Variants in APH1B observed in about 807,000 individuals in gnomAD.
APH1B encodes the protein aph-1B gamma-secretase subunit, also known as gamma-secretase subunit APH-1B.
Under a neutral mutation model 28.2 loss-of-function variants are expected in APH1B, and 27 were observed. The observed-to-expected ratio is 0.96, with a 90% CI of 0.70 to 1.32. The LOEUF is 1.32. Among genes scored for constraint, APH1B ranks in the 40% most tolerant of loss-of-function variants. The pLI is 0.00. For missense variants in APH1B, 305 were observed against 313.6 expected (o/e 0.97, Z 0.21); for synonymous variants, 141 against 124.6 (o/e 1.13, Z -0.88).
intron 4 of APH1B, among the ~76,000 whole-genome samples, chr15:63,296,840 A>T (rs1567031260): frequency 2.0e-5 from 3 of 151,452 alleles, no homozygotes; most frequent in African/African-American, 7.3e-5. Flanking sequence ...TGTATTTTTT[A>T]GGAGAGATGG....
intron 1 of APH1B, chr15:63,277,992 G>C: frequency 1.9e-6 from 1 of 528,362 alleles, no homozygotes; most frequent in East Asian, 3.3e-5. Context: ...TACTAAAGTT[G>C]TATAAAAAAA....
At chr15:63,286,043 G>A (rs751341750) in intron 2 of APH1B, among the ~76,000 whole-genome samples, 1 of 152,294 alleles carries the variant, frequency 6.6e-6, no homozygotes, top group Admixed American at 6.5e-5. Context: ...TTAACAAATC[G>A]CTGCCTGAAG....
At chr15:63,280,837 G>A (rs932458028) in intron 2 of APH1B, among the ~76,000 whole-genome samples, 1 of 152,168 alleles carries the variant, frequency 6.6e-6, no homozygotes, top group Non-Finnish European at 1.5e-5. Context: ...TTTAACTGTA[G>A]AATATCATTA....
intron 1 of APH1B, chr15:63,278,192 C>T (rs951844029): frequency 2.4e-6 from 1 of 419,608 alleles, no homozygotes; most frequent in African/African-American, 2.1e-5. Context: ...TGCCCACCCC[C>T]ACCCCGATCC....
At chr15:63,298,531 A>G (rs2038591534) in intron 4 of APH1B, among the ~76,000 whole-genome samples, 1 of 152,198 alleles carries the variant, frequency 6.6e-6, no homozygotes, top group Non-Finnish European at 1.5e-5. Flanking sequence ...TTTAAGACAT[A>G]GTCAAGTACC....
intron 4 of APH1B, among the ~76,000 whole-genome samples, chr15:63,288,828 G>C (rs1004119857): frequency 6.6e-6 from 1 of 152,188 alleles, no homozygotes; most frequent in South Asian, 2.1e-4. Context: ...AGTAAAGTCT[G>C]TTAGAACCCG....
chr15:63,286,919 TTTC>T (rs2152594923), intron 3 of APH1B, among the ~76,000 whole-genome samples: 1 of 152,358 alleles, frequency 6.6e-6, no homozygotes, highest in East Asian at 1.9e-4. Flanking sequence ...AAACTGTTAC[TTTC>T]TCTGAATCTT....
At chr15:63,290,884 T>C (rs1333158919) in intron 4 of APH1B, among the ~76,000 whole-genome samples, 1 of 152,142 alleles carries the variant, frequency 6.6e-6, no homozygotes, top group East Asian at 1.9e-4. Context: ...GGAAGTGCCA[T>C]AACGAGTAGA....
intron 5 of APH1B, among the ~76,000 whole-genome samples, chr15:63,303,874 A>ACAAC (rs374335586): frequency 1.2e-4 from 17 of 145,594 alleles, no homozygotes; most frequent in East Asian, 2.0e-4. Context: ...ACACACACAC[A>ACAAC]ACACACACAC....
At position 63,305,727 on chromosome 15, in the gene APH1B, C is replaced by T. The variant is rs751335715; in HGVS notation, c.720C>T (p.Leu240=). The change falls in exon 6 of 6, where the codon CTC becomes CTT. Residue 240 remains leucine, a synonymous_variant. Transcript: ENST00000261879. The part of the protein sequence containing the change: ...AAGGSCRSLK[L]CLLCQDKNFL... ...GAGGCAGCTGCCGAAGCCTGAAACT[C>T]TGCCTGCTCTGCCAAGACAAGAACT... is the stretch of plus-strand genomic sequence containing the variant. The T allele has an allele frequency of 1.2e-6, 2 of 1,614,218 alleles. No individual in the cohort carries two copies. Among genetic ancestry groups the T allele is most frequent in the African/African-American group, 1.3e-5 (1 of 75,048 alleles).
chr15:63,285,732 A>G (rs1477287207), intron 2 of APH1B, among the ~76,000 whole-genome samples: 2 of 152,192 alleles, frequency 1.3e-5, no homozygotes, highest in South Asian at 4.1e-4. Flanking sequence ...TTGGCCTCCC[A>G]AAGTGCTGAG....
At chr15:63,294,138 G>A (rs2038538556) in intron 4 of APH1B, among the ~76,000 whole-genome samples, 1 of 151,892 alleles carries the variant, frequency 6.6e-6, no homozygotes, top group African/African-American at 2.4e-5. Flanking sequence ...CAGTGAGCAG[G>A]ATACCATATT....
chr15:63,286,040 A>G (rs1454835488), intron 2 of APH1B, among the ~76,000 whole-genome samples: 1 of 152,216 alleles, frequency 6.6e-6, no homozygotes, highest in African/African-American at 2.4e-5. Context: ...TCTTTAACAA[A>G]TCGCTGCCTG....
chr15:63,292,764 T>C (rs1414566873), intron 4 of APH1B, among the ~76,000 whole-genome samples: 2 of 152,340 alleles, frequency 1.3e-5, no homozygotes, highest in East Asian at 3.8e-4. Flanking sequence ...AATTGTACTT[T>C]TTGGAATGCA....
rs11359006 is a variant in APH1B at position 63,278,242 on chromosome 15, GAAA to G, written c.113+519_113+521del. 667 of 427,474 alleles carry G rather than the reference GAAA, an allele frequency of 1.6e-3. 2 individuals carry two copies. Among genetic ancestry groups the G allele is most frequent in the African/African-American group, 8.0e-3 (376 of 46,938 alleles). 26.5% of individuals were successfully genotyped at this position (427,474 alleles called of 1,614,324 possible). A position where few individuals can be genotyped will look rare whatever the true frequency, so the allele number is the denominator to read the frequency against. On this transcript the variant is annotated intron_variant, in intron 1 of 5. Transcript: ENST00000261879. ...TCTAGGGGATGGGATTCGGGCTTCA[GAAA>G]AAAAAAAAAAAATTTAAGCTCCTTT... is the stretch of plus-strand genomic sequence containing the variant.
rs763628948 is a variant in APH1B at position 63,302,474 on chromosome 15, T to G, written c.606+2T>G. On this transcript the variant is annotated splice_donor_variant, in intron 5 of 5. Transcript: ENST00000261879. LOFTEE classifies it high-confidence loss of function. ...ACCCACCTGCTGGTGTCAGCCCAGG[T>G]GAGTGTTGCCGCCATGCTCAGACTG... 4 of 1,613,068 alleles carry G rather than the reference T, an allele frequency of 2.5e-6. No homozygotes were observed. Among genetic ancestry groups the G allele is most frequent in the South Asian group, 1.1e-5 (1 of 90,876 alleles).
chr15:63,287,103 G>A (rs1049703232), intron 3 of APH1B: 3 of 272,872 alleles, frequency 1.1e-5, no homozygotes, highest in Admixed American at 4.9e-5. Flanking sequence ...TAACTCTGTA[G>A]ACTCTGTTAT....
At chr15:63,299,938 G>A (rs1329320023) in intron 4 of APH1B, among the ~76,000 whole-genome samples, 1 of 151,972 alleles carries the variant, frequency 6.6e-6, no homozygotes, top group Non-Finnish European at 1.5e-5. Context: ...GGTGTGGGGC[G>A]GGAAAGGAAT....
At chr15:63,286,464 C>T in intron 2 of APH1B, 94 bp from the exon 3 acceptor site, 1 of 981,286 alleles carries the variant, frequency 1.0e-6, no homozygotes, top group Non-Finnish European at 1.5e-6. Context: ...CAGTGAGTAT[C>T]TGGGTTTGAA....
Sources: gnomAD v4.1 joint callset for allele counts (sites outside exome capture counted in the v4.1 genomes callset) on GRCh38, gnomAD v4.1.1 for gene constraint, MANE v1.5 for transcripts, NCBI Gene and HGNC (gene_info 2026-07-23, HGNC 2026-07-21) for gene names.